Variants in CHRNA7 observed in about 807,000 individuals in gnomAD.
The protein encoded by CHRNA7 is cholinergic receptor nicotinic alpha 7 subunit.
Under a neutral mutation model 48.0 loss-of-function variants are expected in CHRNA7, and 17 were observed. That is an observed-to-expected ratio of 0.35 (90% CI 0.24 to 0.53). The LOEUF (loss-of-function observed/expected upper bound fraction) is 0.53. Ranked by LOEUF, CHRNA7 falls within the 20% of genes least tolerant of loss-of-function variation. The probability of loss-of-function intolerance (pLI) is 0.92; values close to 1 mark genes in which losing one functional copy is unlikely to be tolerated. For missense variants in CHRNA7, 155 were observed against 577.7 expected, an observed-to-expected ratio of 0.27 and a Z score of 7.50; for synonymous variants, 75 against 242.3, an observed-to-expected ratio of 0.31 and a Z score of 6.41.
chr15:32,115,008 G>A (rs1345993171), intron 4 of CHRNA7, among the ~76,000 whole-genome samples: 1 of 152,208 alleles, frequency 6.6e-6, no homozygotes, highest in Non-Finnish European at 1.5e-5. Context: ...CACAAGGCTC[G>A]GTGTCCCCCA....
intron 2 of CHRNA7, 133 bp downstream of exon 2, chr15:32,031,170 T>C: frequency 9.5e-7 from 1 of 1,052,196 alleles, no homozygotes; most frequent in Admixed American, 2.3e-5. Flanking sequence ...GGCAGGGCCA[T>C]GCTCTGAGTC....
At position 32,044,948 on chromosome 15, in the gene CHRNA7, C is replaced by T. The variant is rs1595379086; in HGVS notation, c.195+13911C>T. Among the ~76,000 whole-genome samples, 3 of 152,348 alleles carry T rather than the reference C, an allele frequency of 2.0e-5. No individual in the cohort carries two copies. In the East Asian group the frequency reaches 5.8e-4, roughly 29 times the overall value. ...CCCATTACTTTGTCTCTCCATGCTT[C>T]ATCCGGTCCGTTTTCTGTTGACATA... On this transcript the variant is annotated intron_variant, in intron 2 of 9. Transcript: ENST00000306901.
At chr15:32,097,174 C>T (rs1566835779) in intron 2 of CHRNA7, among the ~76,000 whole-genome samples, 1 of 152,152 alleles carries the variant, frequency 6.6e-6, no homozygotes, top group East Asian at 1.9e-4. Context: ...CCTGCTGAGT[C>T]GGGAGCCCCC....
At chr15:32,131,344 G>T (rs1280362338) in intron 4 of CHRNA7, among the ~76,000 whole-genome samples, 6 of 151,868 alleles carry the variant, frequency 4.0e-5, no homozygotes, top group Admixed American at 3.9e-4. Context: ...TCACACCCCT[G>T]CAGGCTGTGT....
At chr15:32,068,137 C>T (rs2049995642) in intron 2 of CHRNA7, among the ~76,000 whole-genome samples, 1 of 151,906 alleles carries the variant, frequency 6.6e-6, no homozygotes, top group Non-Finnish European at 1.5e-5. Flanking sequence ...CAGAGTGAGG[C>T]CCTATCTCTA....
chr15:32,150,782 T>C (rs1167644600), intron 4 of CHRNA7, among the ~76,000 whole-genome samples: 1 of 152,134 alleles, frequency 6.6e-6, no homozygotes, highest in East Asian at 1.9e-4. Context: ...CATGATACTA[T>C]CCAGAGTGAG....
intron 2 of CHRNA7, among the ~76,000 whole-genome samples, chr15:32,040,663 T>C (rs1204098428): frequency 1.3e-5 from 2 of 151,696 alleles, no homozygotes; most frequent in African/African-American, 4.8e-5. Flanking sequence ...CAAAGTATAA[T>C]AAAATACATT....
Position 32,031,556 on chromosome 15 carries a change from C to T in CHRNA7, c.195+519C>T, listed in dbSNP as rs1282144931. Among the ~76,000 whole-genome samples, 4 of 152,202 alleles carry T rather than the reference C, an allele frequency of 2.6e-5. No individual in the cohort carries two copies. In the South Asian group the frequency reaches 8.3e-4, roughly 32 times the overall value. On this transcript the variant is annotated intron_variant, in intron 2 of 9. Coordinates refer to ENST00000306901, the MANE Select transcript of CHRNA7 (RefSeq NM_000746.6). Reference sequence around the variant, plus strand: ...CAGCTGTGAACTTTCACTGTGACCCCATCTTAGGAATGGGCATGCTTTGCC... The same window carrying T: ...CAGCTGTGAACTTTCACTGTGACCCTATCTTAGGAATGGGCATGCTTTGCC...
intron 2 of CHRNA7, among the ~76,000 whole-genome samples, chr15:32,087,824 C>A (rs764585089): frequency 2.0e-5 from 3 of 152,196 alleles, no homozygotes; most frequent in Non-Finnish European, 4.4e-5. Flanking sequence ...CACCCAGTTT[C>A]AAAGTTACTT....
intron 2 of CHRNA7, among the ~76,000 whole-genome samples, chr15:32,062,392 A>C (rs573438607): frequency 6.6e-6 from 1 of 152,334 alleles, no homozygotes; most frequent in African/African-American, 2.4e-5. Context: ...AATAGGCTAT[A>C]TTCCTTTTCC....
chr15:32,114,033 T>TACATAC (rs1566848703), intron 4 of CHRNA7, among the ~76,000 whole-genome samples: 1 of 87,444 alleles, frequency 1.1e-5, no homozygotes, highest in African/African-American at 4.2e-5. Flanking sequence ...TATATATATA[T>TACATAC]ATATATATAT....
At chr15:32,051,059 T>G (rs542218262) in intron 2 of CHRNA7, among the ~76,000 whole-genome samples, 35 of 151,644 alleles carry the variant, frequency 2.3e-4, no homozygotes, top group Non-Finnish European at 3.7e-4. Flanking sequence ...TGCCCCTACT[T>G]GGGGGTGCCT....
At chr15:32,061,989 T>A (rs1189377883) in intron 2 of CHRNA7, among the ~76,000 whole-genome samples, 3 of 152,222 alleles carry the variant, frequency 2.0e-5, no homozygotes, top group Non-Finnish European at 2.9e-5. Flanking sequence ...TTTTTAAAAT[T>A]AACATTTTGG....
intron 4 of CHRNA7, among the ~76,000 whole-genome samples, chr15:32,121,567 A>T (rs2050971119): frequency 6.6e-6 from 1 of 152,210 alleles, no homozygotes; most frequent in Admixed American, 6.5e-5. Flanking sequence ...AAGATGACGT[A>T]TGTCAGGGAC....
Position 32,159,440 on chromosome 15 carries a change from G to A in CHRNA7, c.794-129G>A, listed in dbSNP as rs68012416. Reference sequence around the variant, plus strand: ...GCACACGCCCATACATAGGGAAAACGTGCATTCCACGACATTCCCCCCAGC... The same window carrying A: ...GCACACGCCCATACATAGGGAAAACATGCATTCCACGACATTCCCCCCAGC... On this transcript the variant is annotated intron_variant, in intron 7 of 9. Transcript: ENST00000306901. The A allele has an allele frequency of 0.18, 70,746 of 387,864 alleles. 16,870 individuals carry two copies. The highest frequency in any genetic ancestry group is 0.2 in the South Asian group (6,193 of 31,506). The allele number at this position is 387,864 out of a possible 1,614,324, so 24.0% of individuals were successfully genotyped here.
intron 2 of CHRNA7, among the ~76,000 whole-genome samples, chr15:32,042,178 T>C (rs2049461281): frequency 6.6e-6 from 1 of 152,118 alleles, no homozygotes; most frequent in African/African-American, 2.4e-5. Flanking sequence ...TCTATACTCC[T>C]ATGATTAGGT....
chr15:32,126,182 AAC>A (rs2051063340), intron 4 of CHRNA7, among the ~76,000 whole-genome samples: 1 of 152,212 alleles, frequency 6.6e-6, no homozygotes, highest in Non-Finnish European at 1.5e-5. Context: ...TTGTGCCTGT[AAC>A]ATAGCTCCTT....
intron 2 of CHRNA7, among the ~76,000 whole-genome samples, chr15:32,045,710 C>T (rs1195100797): frequency 6.6e-6 from 1 of 151,646 alleles, no homozygotes; most frequent in African/African-American, 2.4e-5. Context: ...GGTACATGTG[C>T]ACAACGTGCA....
chr15:32,101,404 T>G, intron 3 of CHRNA7, 57 bp downstream of exon 3: 1 of 1,527,944 alleles, frequency 6.5e-7, no homozygotes. Flanking sequence ...CACCCAAGAT[T>G]CTTGTTCTGA....
Sources: allele counts gnomAD v4.1 joint callset (sites outside exome capture counted in the v4.1 genomes callset), GRCh38; gene constraint gnomAD v4.1.1; transcripts MANE v1.5; gene names NCBI Gene and HGNC (gene_info 2026-07-23, HGNC 2026-07-21).